The following GLI2 variants were observed in gnomAD, a reference collection of about 807,000 sequenced individuals.
GLI2 encodes GLI family zinc finger 2, also known as transcription activator GLI2.
GLI2 carries 22 observed loss-of-function variants against 78.9 expected under a neutral mutation model. The observed-to-expected ratio is 0.28, with a 90% CI of 0.20 to 0.40. The LOEUF (loss-of-function observed/expected upper bound fraction) is 0.40. GLI2 is among the 10% of genes least tolerant of loss of function. GLI2 has a pLI of 1.00. For synonymous variants in GLI2, 974 were observed against 963.7 expected, an observed-to-expected ratio of 1.01 and a Z score of -0.20; for missense variants, 2,097 against 2,213.2, an observed-to-expected ratio of 0.95 and a Z score of 1.05.
intron 9 of GLI2, 127 bp from the exon 10 acceptor site, chr2:120,978,307 G>A: frequency 2.1e-6 from 2 of 951,086 alleles, no homozygotes; most frequent in Non-Finnish European, 1.7e-6. Context: ...GGTCAGCAGG[G>A]TGGATGGTCT....
At chr2:120,854,192 G>A (rs1260553430) in intron 2 of GLI2, among the ~76,000 whole-genome samples, 1 of 152,218 alleles carries the variant, frequency 6.6e-6, no homozygotes, top group African/African-American at 2.4e-5. Flanking sequence ...GTCAAGGAGA[G>A]CTTCCTGGAG....
intron 1 of GLI2, among the ~76,000 whole-genome samples, chr2:120,738,774 G>C (rs570425398): frequency 1.3e-5 from 2 of 152,316 alleles, no homozygotes; most frequent in South Asian, 2.1e-4. Flanking sequence ...TGTGGGAATC[G>C]ATTTGACTGA....
chr2:120,873,985 A>G (rs915926134), intron 2 of GLI2, among the ~76,000 whole-genome samples: 9 of 152,134 alleles, frequency 5.9e-5, no homozygotes, highest in African/African-American at 2.2e-4. Context: ...TCCAGGGATA[A>G]TCTGCTGCCC....
intron 1 of GLI2, among the ~76,000 whole-genome samples, chr2:120,785,517 C>A (rs1320178037): frequency 6.6e-6 from 1 of 152,066 alleles, no homozygotes; most frequent in Non-Finnish European, 1.5e-5. Context: ...GAGCAGGAGA[C>A]CAAACCAGGA....
chr2:120,771,828 G>A (rs1277800017), intron 1 of GLI2, among the ~76,000 whole-genome samples: 4 of 152,214 alleles, frequency 2.6e-5, no homozygotes, highest in Admixed American at 1.3e-4. Context: ...GTGGAAGCCA[G>A]CAACCAAGTA....
intron 2 of GLI2, among the ~76,000 whole-genome samples, chr2:120,897,592 A>G (rs902135049): frequency 7.2e-5 from 11 of 152,176 alleles, no homozygotes; most frequent in Non-Finnish European, 1.5e-4. Context: ...GGATGACATC[A>G]CCAACCTGAA....
intron 1 of GLI2, among the ~76,000 whole-genome samples, chr2:120,756,836 A>G (rs1351100209): frequency 6.6e-6 from 1 of 152,026 alleles, no homozygotes; most frequent in Non-Finnish European, 1.5e-5. Context: ...GTCTTTAAAT[A>G]TTTCTTCTTC....
chr2:120,806,830 C>T (rs1684977935), intron 2 of GLI2, among the ~76,000 whole-genome samples: 3 of 152,158 alleles, frequency 2.0e-5, no homozygotes, highest in Admixed American at 2.0e-4. Context: ...TCTGTGTGGA[C>T]ACCAGAGGGG....
chr2:120,933,447 AG>A lies in GLI2; in HGVS notation c.254+5982del, dbSNP rs1425036854. On this transcript the variant is annotated intron_variant, in intron 3 of 13. Transcript: ENST00000361492. ...TGCTGGTCAAGCAAGGTTCTCTTGAAGCCCCCATGGGGACATCCCTAAGTCT... is the reference window on the plus strand; with the variant it reads ...TGCTGGTCAAGCAAGGTTCTCTTGAACCCCCATGGGGACATCCCTAAGTCT... Among the ~76,000 whole-genome samples the A allele has an allele frequency of 3.9e-5, 6 of 152,248 alleles. 1 individual carries two copies. The highest frequency in any genetic ancestry group is 1.4e-4 in the African/African-American group (6 of 41,536).
chr2:120,950,025 G>T (rs1363615893), intron 3 of GLI2, among the ~76,000 whole-genome samples: 2 of 152,216 alleles, frequency 1.3e-5, no homozygotes, highest in African/African-American at 4.8e-5. Flanking sequence ...GCAATGCTAG[G>T]TTAGCCCTCA....
intron 2 of GLI2, among the ~76,000 whole-genome samples, chr2:120,842,058 C>CAAAAAAAAAAAAAA (rs571517244): frequency 1.3e-5 from 1 of 74,528 alleles, no homozygotes; most frequent in Non-Finnish European, 3.0e-5. Context: ...TTTGTCAACT[C>CAAAAAAAAAAAAAA]AAAAAAAAAA....
In GLI2 at chr2:120,990,252, C is replaced by T; in HGVS notation, c.4287C>T (p.Tyr1429=). ...AGGAPDHSML[Y]YYGQIHMYEQ... is the part of the protein sequence containing the mutation. ...GGGCCCCGGACCACAGCATGCTCTA[C>T]TACTACGGCCAGATCCACATGTACG... Residue 1429 remains tyrosine (Y), a synonymous_variant, in exon 14 of 14, where the codon TAC becomes TAT. Transcript: ENST00000361492. 1 of 1,613,690 alleles carries T rather than the reference C, an allele frequency of 6.2e-7. No individual in the cohort carries two copies. The highest frequency in any genetic ancestry group is 1.1e-5 in the South Asian group (1 of 91,084).
intron 3 of GLI2, among the ~76,000 whole-genome samples, chr2:120,932,283 G>A (rs1679979997): frequency 2.0e-5 from 3 of 152,166 alleles, no homozygotes; most frequent in Admixed American, 2.0e-4. Context: ...TGAGCCTGCT[G>A]CCCTGAGCTG....
intron 3 of GLI2, among the ~76,000 whole-genome samples, chr2:120,940,599 G>GTCAGTGTCCA (rs1161000713): frequency 8.5e-5 from 13 of 152,316 alleles, no homozygotes; most frequent in African/African-American, 2.9e-4. Flanking sequence ...GAAGGCTATA[G>GTCAGTGTCCA]TCAGTGTCCA....
intron 2 of GLI2, among the ~76,000 whole-genome samples, chr2:120,859,022 G>C (rs924395438): frequency 1.5e-5 from 2 of 135,478 alleles, no homozygotes; most frequent in African/African-American, 2.9e-5. Context: ...CGGTAAAGCG[G>C]GTGCCCCCTC....
intron 2 of GLI2, among the ~76,000 whole-genome samples, chr2:120,870,596 C>T (rs1471044752): frequency 4.6e-5 from 7 of 152,298 alleles, no homozygotes; most frequent in South Asian, 4.1e-4. Flanking sequence ...TCACGGATAG[C>T]GCTGGCTCAC....
At chr2:120,987,752 A>G (rs1364169933) in intron 13 of GLI2, among the ~76,000 whole-genome samples, 2 of 152,154 alleles carry the variant, frequency 1.3e-5, no homozygotes, top group Admixed American at 6.5e-5. Context: ...ACTCAGTCCT[A>G]CGGAGAGGCA....
chr2:120,892,559 C>T (rs1677733787), intron 2 of GLI2, among the ~76,000 whole-genome samples: 1 of 152,250 alleles, frequency 6.6e-6, no homozygotes, highest in Admixed American at 6.5e-5. Flanking sequence ...CCGCCACCTC[C>T]TGACCACTTT....
chr2:120,857,503 G>A (rs1211597397), intron 2 of GLI2, among the ~76,000 whole-genome samples: 4 of 82,698 alleles, frequency 4.8e-5, no homozygotes, highest in African/African-American at 1.8e-4. Flanking sequence ...CTACCCATCT[G>A]CCCGCCCACC....
Sources: gnomAD v4.1 joint callset for allele counts (sites outside exome capture counted in the v4.1 genomes callset) on GRCh38, gnomAD v4.1.1 for gene constraint, MANE v1.5 for transcripts, NCBI Gene and HGNC (gene_info 2026-07-23, HGNC 2026-07-21) for gene names.